MAPK6: variants seen among roughly 807,000 people sequenced by gnomAD.
The protein encoded by MAPK6 is ERK-3.
Under a neutral mutation model 59.3 loss-of-function variants are expected in MAPK6, and 19 were observed. The ratio of observed to expected loss-of-function variants is 0.32; its 90% CI spans 0.22 to 0.47. The LOEUF (loss-of-function observed/expected upper bound fraction) is 0.47, where lower values mean the gene tolerates loss of function less well. Among genes scored for constraint, MAPK6 ranks in the 20% least tolerant of loss-of-function variants. The pLI is 1.00. For missense variants in MAPK6, 724 were observed against 847.9 expected, an observed-to-expected ratio of 0.85 and a Z score of 1.81; for synonymous variants, 316 against 290.3, an observed-to-expected ratio of 1.09 and a Z score of -0.90.
chr15:52,002,849 C>CAGAGAG (rs145056194), intron 2 of MAPK6, among the ~76,000 whole-genome samples: 4 of 151,862 alleles, frequency 2.6e-5, no homozygotes, highest in African/African-American at 9.7e-5. Flanking sequence ...GCAGGTGAGA[C>CAGAGAG]AGAGAGAGAG....
intron 1 of MAPK6, among the ~76,000 whole-genome samples, chr15:52,033,000 G>A (rs1376718466): frequency 6.6e-6 from 1 of 151,710 alleles, no homozygotes; most frequent in Non-Finnish European, 1.5e-5. Flanking sequence ...TTTTTTAATG[G>A]AGACAGGGTC....
chr15:52,046,143 G>C lies in MAPK6; in HGVS notation c.-318G>C. ...TAAATCGTTTAGCACGGTAATCTGA[G>C]TGCACAGTATGTCATTTCATTCCGT... On this transcript the variant is annotated 5_prime_UTR_variant, in exon 2 of 6. Transcript: ENST00000261845. The C allele has an allele frequency of 3.9e-6, 1 of 257,352 alleles. No homozygotes were observed. The highest frequency in any genetic ancestry group is 5.7e-5 in the South Asian group (1 of 17,626). 15.9% of individuals were successfully genotyped at this position (257,352 alleles called of 1,614,324 possible). A position where few individuals can be genotyped will look rare whatever the true frequency, so the allele number is the denominator to read the frequency against.
chr15:52,006,658 T>A (rs2057259717), intron 3 of MAPK6, among the ~76,000 whole-genome samples: 1 of 152,214 alleles, frequency 6.6e-6, no homozygotes, highest in Non-Finnish European at 1.5e-5. Context: ...TGAACTTGGT[T>A]GGTATGTGTT....
intron 1 of MAPK6, among the ~76,000 whole-genome samples, chr15:51,975,543 A>T (rs1210251337): frequency 6.6e-6 from 1 of 151,894 alleles, no homozygotes; most frequent in African/African-American, 2.4e-5. Flanking sequence ...CCGTCTAAAA[A>T]AAAAAAGTAT....
chr15:52,049,942 T>A, intron 2 of MAPK6, 51 bp from the exon 3 acceptor site: 4 of 1,484,106 alleles, frequency 2.7e-6, no homozygotes, highest in Non-Finnish European at 3.8e-6. Flanking sequence ...AAGTTGTAAG[T>A]ACTGTTCTTC....
chr15:52,001,468 A>G (rs2057241632), intron 2 of MAPK6, among the ~76,000 whole-genome samples: 1 of 151,494 alleles, frequency 6.6e-6, no homozygotes, highest in South Asian at 2.1e-4. Context: ...AGTAAGTTTC[A>G]AAACTGGGAA....
intron 1 of MAPK6, among the ~76,000 whole-genome samples, chr15:52,036,747 TA>T: frequency 6.6e-6 from 1 of 152,210 alleles, no homozygotes; most frequent in Non-Finnish European, 1.5e-5. Flanking sequence ...ATTTTGTTTT[TA>T]AATCTCGCAA....
At chr15:52,029,262 C>T (rs1457839991) in intron 1 of MAPK6, among the ~76,000 whole-genome samples, 1 of 152,126 alleles carries the variant, frequency 6.6e-6, no homozygotes, top group East Asian at 1.9e-4. Flanking sequence ...GGTCTCGGAA[C>T]TCCTGACCTC....
In MAPK6 at chr15:52,065,612, TAA is replaced by T. The variant is rs2032387117; in HGVS notation, c.*614_*615del. Reference sequence around the variant, plus strand: ...CTTAATAAAACTCACTCACTGTTTATAAATGTTCTGGTATGCATTCTTTATAG... The same window carrying T: ...CTTAATAAAACTCACTCACTGTTTATATGTTCTGGTATGCATTCTTTATAG... On this transcript the variant is annotated 3_prime_UTR_variant, in exon 6 of 6. Transcript: ENST00000261845. 6.5e-6 allele frequency: 1 copy of T among 152,678 alleles called. No individual in the cohort carries two copies. The highest frequency in any genetic ancestry group is 1.5e-5 in the Non-Finnish European group (1 of 68,030). 9.5% of individuals were successfully genotyped at this position (152,678 alleles called of 1,614,324 possible).
intron 1 of MAPK6, among the ~76,000 whole-genome samples, chr15:52,041,280 TCCA>T (rs2031409911): frequency 6.6e-6 from 1 of 152,208 alleles, no homozygotes; most frequent in African/African-American, 2.4e-5. Context: ...CACAGCGACC[TCCA>T]CCTCCTGGGT....
chr15:52,060,726 G>A (rs1390400372), intron 4 of MAPK6, among the ~76,000 whole-genome samples: 1 of 152,200 alleles, frequency 6.6e-6, no homozygotes, highest in Admixed American at 6.5e-5. Context: ...CAAGGTCAGT[G>A]TGTGAACTAT....
At chr15:51,983,483 ACAAG>A (rs1271145301) in intron 2 of MAPK6, among the ~76,000 whole-genome samples, 73 of 149,200 alleles carry the variant, frequency 4.9e-4, no homozygotes, top group African/African-American at 1.7e-3. Flanking sequence ...CCGTCTCAAA[ACAAG>A]CAAACAAAAA....
intron 1 of MAPK6, among the ~76,000 whole-genome samples, chr15:52,037,711 A>G (rs763241283): frequency 2.0e-5 from 3 of 152,168 alleles, no homozygotes; most frequent in African/African-American, 2.4e-5. Flanking sequence ...GGAAAATACC[A>G]TATCTGGGAA....
chr15:52,065,155 C>G lies in MAPK6; in HGVS notation c.*155C>G. 1.5e-6 allele frequency: 1 copy of G among 662,614 alleles called. No individual in the cohort carries two copies. 41.0% of individuals were successfully genotyped at this position (662,614 alleles called of 1,614,324 possible). On this transcript the variant is annotated 3_prime_UTR_variant, in exon 6 of 6. Transcript: ENST00000261845. ...TTTTTAAAATCCAGACTTTCTTTTT[C>G]TACATGTGAGATAGTTTTCATTTTA...
intron 3 of MAPK6, among the ~76,000 whole-genome samples, chr15:52,012,174 A>G (rs1266817130): frequency 1.3e-5 from 2 of 152,222 alleles, no homozygotes; most frequent in Non-Finnish European, 2.9e-5. Flanking sequence ...CTCTGCACAC[A>G]ACAACCCTTT....
At chr15:52,061,054 G>A (rs2899484) in intron 4 of MAPK6, among the ~76,000 whole-genome samples, 13,439 of 152,138 alleles carry the variant, frequency 0.088, 1,453 homozygotes, top group African/African-American at 0.25. Flanking sequence ...CCAGAAAATC[G>A]TTTTTAAGTT....
chr15:51,989,815 G>A (rs2141815341), intron 2 of MAPK6, among the ~76,000 whole-genome samples: 1 of 152,178 alleles, frequency 6.6e-6, no homozygotes, highest in South Asian at 2.1e-4. Context: ...TGTTGCCCAG[G>A]CTGGTCTCGA....
At chr15:51,980,487 C>G (rs903006145) in intron 1 of MAPK6, among the ~76,000 whole-genome samples, 2 of 147,220 alleles carry the variant, frequency 1.4e-5, no homozygotes, top group African/African-American at 5.0e-5. Flanking sequence ...TACAATTTTC[C>G]TACCAGTTTG....
chr15:51,972,531 A>G (rs2057136056), intron 1 of MAPK6, among the ~76,000 whole-genome samples: 1 of 81,506 alleles, frequency 1.2e-5, no homozygotes, highest in African/African-American at 4.9e-5. Flanking sequence ...GCTTTAAATG[A>G]CCATTTTTTT....
Sources: allele counts gnomAD v4.1 joint callset (sites outside exome capture counted in the v4.1 genomes callset), GRCh38; gene constraint gnomAD v4.1.1; transcripts MANE v1.5; gene names NCBI Gene and HGNC (gene_info 2026-07-23, HGNC 2026-07-21).